CMTR1: variants seen among roughly 807,000 people sequenced by gnomAD.
CMTR1 encodes the protein cap-specific mRNA (nucleoside-2'-O-)-methyltransferase 1.
CMTR1 carries 39 observed loss-of-function variants against 107.0 expected under a neutral mutation model. That is an observed-to-expected ratio of 0.36 (90% confidence interval 0.28 to 0.48). CMTR1 has a LOEUF of 0.48. Ranked by LOEUF, CMTR1 falls within the 20% of genes least tolerant of loss-of-function variation. The probability of loss-of-function intolerance (pLI) is 0.99; values close to 1 mark genes in which losing one functional copy is unlikely to be tolerated. For missense variants in CMTR1, 672 were observed against 1,064.9 expected (o/e 0.63, Z 5.14); for synonymous variants, 366 against 379.5 (o/e 0.96, Z 0.41).
At chr6:37,443,758 G>A (rs1771723619) in intron 2 of CMTR1, among the ~76,000 whole-genome samples, 1 of 152,150 alleles carries the variant, frequency 6.6e-6, no homozygotes, top group Admixed American at 6.5e-5. Context: ...GAAAGGGTGG[G>A]GAAGGAAAAC....
At chr6:37,453,560 A>G (rs1443325330) in intron 8 of CMTR1, among the ~76,000 whole-genome samples, 1 of 152,124 alleles carries the variant, frequency 6.6e-6, no homozygotes, top group Non-Finnish European at 1.5e-5. Flanking sequence ...AAGGGTGAAT[A>G]CTGTTTTTAT....
intron 10 of CMTR1, 56 bp from the exon 11 acceptor site, chr6:37,461,493 A>G (rs1241568205): frequency 4.3e-6 from 4 of 933,666 alleles, no homozygotes; most frequent in African/African-American, 1.7e-5. Context: ...TAGTGATGTT[A>G]TTCTTAGTCC....
intron 8 of CMTR1, among the ~76,000 whole-genome samples, chr6:37,455,361 G>A (rs781564749): frequency 3.3e-5 from 5 of 152,184 alleles, no homozygotes; most frequent in Non-Finnish European, 7.3e-5. Context: ...TTGCACGCGT[G>A]AGCTACCGCG....
intron 8 of CMTR1, among the ~76,000 whole-genome samples, chr6:37,457,430 A>T (rs904484820): frequency 6.6e-6 from 1 of 151,840 alleles, no homozygotes; most frequent in Non-Finnish European, 1.5e-5. Flanking sequence ...CCAACCCCAC[A>T]CCCAGCGCTG....
chr6:37,447,828 C>G (rs1050137392), intron 4 of CMTR1, among the ~76,000 whole-genome samples: 5 of 150,498 alleles, frequency 3.3e-5, no homozygotes, highest in African/African-American at 4.9e-5. Context: ...CCACTGCACT[C>G]TAGCCTTCCA....
chr6:37,440,017 A>G (rs1771633806), intron 2 of CMTR1, among the ~76,000 whole-genome samples: 1 of 152,174 alleles, frequency 6.6e-6, no homozygotes, highest in Non-Finnish European at 1.5e-5. Context: ...TTTTGCCAAC[A>G]GCCAGGAGAC....
rs747785328 is a variant in CMTR1, at chr6:37,479,992, T to G, written c.2376-21T>G. The G allele has an allele frequency of 4.4e-5, 69 of 1,557,994 alleles. 2 individuals carry two copies. In the South Asian group the frequency reaches 8.1e-4, roughly 18 times the overall value. On this transcript the variant is annotated intron_variant, in intron 23 of 23. Coordinates refer to ENST00000373451, the MANE Select transcript of CMTR1 (RefSeq NM_015050.3). ...CATCTGGGTGCAGTCCTGACCTCTT[T>G]CCCATCCCTCTCCTCCCCAGCATTT...
At chr6:37,434,901 C>T (rs954623351) in intron 1 of CMTR1, among the ~76,000 whole-genome samples, 4 of 152,172 alleles carry the variant, frequency 2.6e-5, no homozygotes, top group African/African-American at 9.7e-5. Context: ...CGTGAGCCAC[C>T]GCGCCCAGCT....
chr6:37,477,356 C>T (rs933329826), intron 20 of CMTR1, among the ~76,000 whole-genome samples: 2 of 152,216 alleles, frequency 1.3e-5, no homozygotes, highest in Non-Finnish European at 2.9e-5. Flanking sequence ...TTTCACTCCC[C>T]AGTTGCCCTG....
At chr6:37,465,781 C>A (rs552401739) in intron 13 of CMTR1, among the ~76,000 whole-genome samples, 11 of 152,146 alleles carry the variant, frequency 7.2e-5, no homozygotes, top group Non-Finnish European at 1.5e-4. Context: ...AGGCATGAGC[C>A]ACCATGTCTG....
In CMTR1 at chr6:37,481,361, C is replaced by T; in HGVS notation, c.*1216C>T. ...GAGGCTCCCGTGAGGTTGGAATCGA[C>T]TTCACCATGGGGGTCCTTCAGCCAG... On this transcript the variant is annotated 3_prime_UTR_variant, in exon 24 of 24. Transcript: ENST00000373451. 1.7e-6 allele frequency: 2 copies of T among 1,191,870 alleles called. No individual in the cohort carries two copies. Among genetic ancestry groups the T allele is most frequent in the South Asian group, 3.1e-5 (2 of 63,800 alleles). The allele number at this position is 1,191,870 out of a possible 1,614,324, so 73.8% of individuals were successfully genotyped here. A position where few individuals can be genotyped will look rare whatever the true frequency, so the allele number is the denominator to read the frequency against.
At chr6:37,452,889 T>G (rs1204400549) in intron 6 of CMTR1, among the ~76,000 whole-genome samples, 158 bp from the exon 7 acceptor site, 1 of 151,484 alleles carries the variant, frequency 6.6e-6, no homozygotes, top group Admixed American at 6.6e-5. Flanking sequence ...GTTGAGAGAG[T>G]TATTGAGCAG....
chr6:37,446,601 A>G (rs1771801259), intron 4 of CMTR1, 152 bp downstream of exon 4: 2 of 906,092 alleles, frequency 2.2e-6, no homozygotes, highest in African/African-American at 3.3e-5. Context: ...GGATATCCAG[A>G]ATGGAAAACA....
At chr6:37,436,420 G>A (rs1268867710) in intron 2 of CMTR1, 1 of 152,184 alleles carries the variant, frequency 6.6e-6, no homozygotes, top group African/African-American at 2.4e-5. Context: ...AGCTGTATTA[G>A]TTTCTTAGGG....
At chr6:37,474,896 T>G (rs1761706557) in intron 18 of CMTR1, among the ~76,000 whole-genome samples, 1 of 152,190 alleles carries the variant, frequency 6.6e-6, no homozygotes, top group African/African-American at 2.4e-5. Flanking sequence ...AGGGCCCTGG[T>G]GAGTCTACTG....
intron 13 of CMTR1, among the ~76,000 whole-genome samples, chr6:37,466,678 A>G (rs1287438647): frequency 6.6e-6 from 1 of 152,144 alleles, no homozygotes; most frequent in Non-Finnish European, 1.5e-5. Flanking sequence ...TGCCAGTAGT[A>G]GACAGTTTTT....
At chr6:37,439,009 T>A (rs1281475043) in intron 2 of CMTR1, among the ~76,000 whole-genome samples, 1 of 152,208 alleles carries the variant, frequency 6.6e-6, no homozygotes, top group East Asian at 1.9e-4. Flanking sequence ...CAGTAGTTAC[T>A]ATTTCTGTCT....
At chr6:37,427,774 A>G in the CMTR1 span, among the ~76,000 whole-genome samples, 4 of 152,114 alleles carry the variant, frequency 2.6e-5, no homozygotes, top group East Asian at 7.7e-4. The surrounding 1 kb of genome is among the most constrained non-coding windows in gnomAD (Gnocchi z 4.4). Flanking sequence ...GTGGCTGGTG[A>G]TGAATTCTCT....
intron 4 of CMTR1, among the ~76,000 whole-genome samples, chr6:37,447,062 C>T (rs1771813429): frequency 6.6e-6 from 1 of 152,146 alleles, no homozygotes. Flanking sequence ...TATTTATGTC[C>T]TATCTTATTC....
Sources: allele counts gnomAD v4.1 joint callset (sites outside exome capture counted in the v4.1 genomes callset), GRCh38; gene constraint gnomAD v4.1.1; non-coding constraint Gnocchi (gnomAD v3.1); transcripts MANE v1.5; gene names NCBI Gene and HGNC (gene_info 2026-07-23, HGNC 2026-07-21).